The following TAFA5 variants were observed in gnomAD, a reference collection of about 807,000 sequenced individuals.
TAFA5 encodes the protein TAFA chemokine like family member 5.
Under a neutral mutation model 15.3 loss-of-function variants are expected in TAFA5, and 6 were observed. The observed-to-expected ratio is 0.39, with a 90% CI of 0.21 to 0.77. The LOEUF (loss-of-function observed/expected upper bound fraction) is 0.77. Ranked by LOEUF, TAFA5 falls within the 30% of genes least tolerant of loss-of-function variation. The probability of loss-of-function intolerance (pLI) is 0.41; values close to 1 mark genes in which losing one functional copy is unlikely to be tolerated. For synonymous variants in TAFA5, 103 were observed against 80.7 expected, an observed-to-expected ratio of 1.28 and a Z score of -1.48; for missense variants, 161 against 193.1, an observed-to-expected ratio of 0.83 and a Z score of 0.98.
chr22:48,652,582 AG>A (rs1196956460), intron 2 of TAFA5, among the ~76,000 whole-genome samples: 4 of 152,144 alleles, frequency 2.6e-5, no homozygotes, highest in Admixed American at 1.3e-4. Context: ...GCCATCCAGG[AG>A]GGGGTCTGGG....
intron 1 of TAFA5, chr22:48,576,653 C>G: frequency 1.6e-6 from 2 of 1,242,648 alleles, no homozygotes. Context: ...CGGCTTCCAG[C>G]ACGTTCCGCT....
intron 1 of TAFA5, among the ~76,000 whole-genome samples, chr22:48,541,623 G>T (rs1922377148): frequency 6.6e-6 from 1 of 152,188 alleles, no homozygotes; most frequent in Non-Finnish European, 1.5e-5. Context: ...GGTGTTGGGA[G>T]GGTGGAGGGA....
chr22:48,740,382 G>C (rs1323598896), intron 3 of TAFA5, among the ~76,000 whole-genome samples: 5 of 152,156 alleles, frequency 3.3e-5, no homozygotes, highest in African/African-American at 1.2e-4. Context: ...TCCAGACTCC[G>C]GCCCCTCCCT....
chr22:48,558,269 G>C (rs150103183), intron 1 of TAFA5, among the ~76,000 whole-genome samples: 1 of 152,186 alleles, frequency 6.6e-6, no homozygotes, highest in Non-Finnish European at 1.5e-5. Context: ...GCAAATCATC[G>C]TCTGCTTTTC....
intron 1 of TAFA5, among the ~76,000 whole-genome samples, chr22:48,525,936 T>C (rs1921767925): frequency 6.6e-6 from 1 of 152,228 alleles, no homozygotes; most frequent in Non-Finnish European, 1.5e-5. Context: ...CCACTCCCGC[T>C]GCCCTGCCTC....
chr22:48,554,057 A>G (rs1278688142), intron 1 of TAFA5, among the ~76,000 whole-genome samples: 2 of 152,216 alleles, frequency 1.3e-5, no homozygotes, highest in African/African-American at 4.8e-5. Context: ...TCCAGAACCC[A>G]GGTCCTCGGG....
chr22:48,743,815 A>G (rs1217810768), intron 3 of TAFA5, among the ~76,000 whole-genome samples: 1 of 152,176 alleles, frequency 6.6e-6, no homozygotes, highest in Non-Finnish European at 1.5e-5. Flanking sequence ...TGCCTTGTTT[A>G]TGGCAGATGG....
At chr22:48,522,438 C>G (rs1388642994) in intron 1 of TAFA5, among the ~76,000 whole-genome samples, 1 of 152,118 alleles carries the variant, frequency 6.6e-6, no homozygotes, top group African/African-American at 2.4e-5. Flanking sequence ...TTGGCTCTGT[C>G]CTTAGAGTCT....
At chr22:48,498,283 G>A (rs975024164) in intron 1 of TAFA5, among the ~76,000 whole-genome samples, 7 of 150,222 alleles carry the variant, frequency 4.7e-5, no homozygotes, top group Non-Finnish European at 7.4e-5. Flanking sequence ...CCCACCTGGA[G>A]GCGGGGCTGA....
chr22:48,523,337 G>A (rs1456981858), intron 1 of TAFA5, among the ~76,000 whole-genome samples: 4 of 152,228 alleles, frequency 2.6e-5, no homozygotes, highest in Non-Finnish European at 5.9e-5. Flanking sequence ...GGGACCCTAC[G>A]GGGTAGGATG....
Position 48,566,533 on chromosome 22 carries a change from A to C in TAFA5, c.112+76829A>C, listed in dbSNP as rs1341272588. Among the ~76,000 whole-genome samples the C allele has an allele frequency of 6.6e-6, 1 of 152,166 alleles. No individual in the cohort carries two copies. The highest frequency in any genetic ancestry group is 1.5e-5 in the Non-Finnish European group (1 of 68,034). On this transcript the variant is annotated intron_variant, in intron 1 of 3. Coordinates refer to ENST00000402357, the MANE Select transcript of TAFA5 (RefSeq NM_001082967.3). This position sits in a 1 kb window ranked among gnomAD's most constrained non-coding sequence, Gnocchi z 4.5. ...GGACAAATGGGTGAGTGGAAAGATG[A>C]AGGGGCCTATGAGGATGTTTGGCCT...
In TAFA5 at chr22:48,489,581, G is replaced by C. The variant is rs1318036384; in HGVS notation, c.-12G>C. 2 of 1,432,876 alleles carry C rather than the reference G, an allele frequency of 1.4e-6. No homozygotes were observed. Among genetic ancestry groups the C allele is most frequent in the African/African-American group, 1.5e-5 (1 of 66,840 alleles). 88.8% of individuals were successfully genotyped at this position (1,432,876 alleles called of 1,614,324 possible). On this transcript the variant is annotated 5_prime_UTR_variant, in exon 1 of 4. Coordinates refer to ENST00000402357, the MANE Select transcript of TAFA5 (RefSeq NM_001082967.3). This position sits in a 1 kb window ranked among gnomAD's most constrained non-coding sequence, Gnocchi z 5.5. The stretch of plus-strand genomic sequence containing the variant: ...ACGCGCTGCTGCCCCCCGCGCGGGC[G>C]CCGCGGCTTCAATGGCGCCATCGCC...
intron 3 of TAFA5, among the ~76,000 whole-genome samples, chr22:48,738,821 G>A (rs1009308689): frequency 6.6e-6 from 1 of 152,134 alleles, no homozygotes; most frequent in Non-Finnish European, 1.5e-5. Context: ...AGAGTTAATC[G>A]GCCGTCGCAG....
chr22:48,645,664 G>A (rs953650683), intron 1 of TAFA5, among the ~76,000 whole-genome samples: 17 of 152,084 alleles, frequency 1.1e-4, no homozygotes, highest in Non-Finnish European at 1.8e-4. Context: ...AGGGAGATGG[G>A]GATGCAGGGT....
At chr22:48,527,466 G>A (rs1921819528) in intron 1 of TAFA5, among the ~76,000 whole-genome samples, 1 of 152,224 alleles carries the variant, frequency 6.6e-6, no homozygotes, top group Non-Finnish European at 1.5e-5. Flanking sequence ...GCGGACTCCT[G>A]AGCTGTTGCA....
chr22:48,539,676 T>A (rs1465353670), intron 1 of TAFA5, among the ~76,000 whole-genome samples: 23 of 152,150 alleles, frequency 1.5e-4, no homozygotes, highest in Non-Finnish European at 5.9e-5. Flanking sequence ...ACAGAGCCTA[T>A]GAGCAAATGA....
chr22:48,624,927 C>T (rs117327538), intron 1 of TAFA5, among the ~76,000 whole-genome samples: 1 of 152,222 alleles, frequency 6.6e-6, no homozygotes, highest in South Asian at 2.1e-4. Context: ...TGGCAAAACC[C>T]TGTCTCTACT....
At chr22:48,634,778 T>G (rs201640043) in intron 1 of TAFA5, among the ~76,000 whole-genome samples, 1 of 123,880 alleles carries the variant, frequency 8.1e-6, no homozygotes, top group African/African-American at 3.1e-5. Flanking sequence ...GCCACTCATT[T>G]AGTCACTCAC....
chr22:48,576,932 G>A (rs962071334), intron 1 of TAFA5, among the ~76,000 whole-genome samples: 1 of 152,074 alleles, frequency 6.6e-6, no homozygotes, highest in African/African-American at 2.4e-5. Context: ...CCGGGCCCTC[G>A]GTAGATGGCA....
Sources: allele counts gnomAD v4.1 joint callset (sites outside exome capture counted in the v4.1 genomes callset), GRCh38; gene constraint gnomAD v4.1.1; non-coding constraint Gnocchi (gnomAD v3.1); transcripts MANE v1.5; gene names NCBI Gene and HGNC (gene_info 2026-07-23, HGNC 2026-07-21).